The following NR4A3 variants were observed in gnomAD, a reference collection of about 807,000 sequenced individuals.
NR4A3 encodes the protein nuclear receptor subfamily 4 group A member 3, also known as chondrosarcoma, extraskeletal myxoid, fused to EWS.
A neutral mutation model predicts 55.6 loss-of-function variants in NR4A3; 13 were observed. That is an observed-to-expected ratio of 0.23 (90% CI 0.15 to 0.37). The LOEUF is 0.37. Among genes scored for constraint, NR4A3 ranks in the 10% least tolerant of loss-of-function variants. NR4A3 has a pLI of 1.00. For synonymous variants in NR4A3, 342 were observed against 357.9 expected (o/e 0.96, Z 0.50); for missense variants, 646 against 822.8 (o/e 0.79, Z 2.63).
chr9:99,857,235 T>C (rs1179556777), intron 7 of NR4A3, among the ~76,000 whole-genome samples: 1 of 152,102 alleles, frequency 6.6e-6, no homozygotes, highest in Non-Finnish European at 1.5e-5. Context: ...GAGATGATTA[T>C]AAGAGTGATG....
Position 99,855,429 on chromosome 9 carries a change from C to A in NR4A3, c.1633+7814C>A, listed in dbSNP as rs144168988. On this transcript the variant is annotated intron_variant, in intron 7 of 7. Transcript: ENST00000395097. ...CACTGTTATGATAAAAGTATGAATTCTTGAAAATTGCCTTATTTTGATTCA... is the reference window on the plus strand; with the variant it reads ...CACTGTTATGATAAAAGTATGAATTATTGAAAATTGCCTTATTTTGATTCA... Among the ~76,000 whole-genome samples the A allele has an allele frequency of 2.2e-3, 328 of 152,206 alleles. 3 individuals are homozygous for A. The highest frequency in any genetic ancestry group is 7.7e-3 in the African/African-American group (319 of 41,528).
At chr9:99,862,545 GTC>G (rs1828024108) in intron 7 of NR4A3, among the ~76,000 whole-genome samples, 1 of 47,698 alleles carries the variant, frequency 2.1e-5, no homozygotes, top group Non-Finnish European at 3.6e-5. Context: ...GTAAGACTCT[GTC>G]TCAAAAAAAA....
chr9:99,829,915 A>G (rs1386169954), intron 3 of NR4A3, among the ~76,000 whole-genome samples: 2 of 152,198 alleles, frequency 1.3e-5, no homozygotes, highest in Non-Finnish European at 2.9e-5. Flanking sequence ...TTAACTGCCC[A>G]TGAGATGTTT....
intron 1 of NR4A3, among the ~76,000 whole-genome samples, chr9:99,824,628 G>A (rs1038945407): frequency 6.6e-6 from 1 of 152,240 alleles, no homozygotes; most frequent in Non-Finnish European, 1.5e-5. Context: ...GGCGCCAGGA[G>A]ATGACCCTCG....
At chr9:99,826,490 G>A (rs1339032697) in intron 2 of NR4A3, among the ~76,000 whole-genome samples, 3 of 152,226 alleles carry the variant, frequency 2.0e-5, no homozygotes, top group African/African-American at 7.2e-5. Flanking sequence ...AAAAGGGATT[G>A]GCCGGAAAGA....
In NR4A3 at chr9:99,833,156, C is replaced by T. The variant is rs559629508; in HGVS notation, c.1082-126C>T. On this transcript the variant is annotated intron_variant, in intron 4 of 7. Transcript: ENST00000395097. Reference sequence around the variant, plus strand: ...GTGAATATTATTCCAAACTTATTACCACTTTTAAATGGTTGGTCTCATTAA... The same window carrying T: ...GTGAATATTATTCCAAACTTATTACTACTTTTAAATGGTTGGTCTCATTAA... The T allele has an allele frequency of 2.8e-5, 34 of 1,234,084 alleles. 1 individual carries two copies. The South Asian group carries it at 5.6e-4, about 20-fold the overall frequency. 76.4% of individuals were successfully genotyped at this position (1,234,084 alleles called of 1,614,324 possible).
At chr9:99,862,267 G>A (rs985536164) in intron 7 of NR4A3, among the ~76,000 whole-genome samples, 2 of 151,776 alleles carry the variant, frequency 1.3e-5, no homozygotes, top group East Asian at 1.9e-4. Flanking sequence ...TCTGAGGCCA[G>A]GCACAGTGGC....
Position 99,844,685 on chromosome 9 carries a change from G to A in NR4A3, c.1291G>A (p.Ala431Thr), listed in dbSNP as rs1451969171. 6.2e-7 allele frequency: 1 copy of A among 1,614,192 alleles called. No individual in the cohort carries two copies. The highest frequency in any genetic ancestry group is 8.5e-7 in the Non-Finnish European group (1 of 1,180,032). Residue 431 changes from alanine to threonine, a missense_variant, in exon 6 of 8, where the codon GCT becomes ACT. Physicochemically the swap from Ala to Thr is moderately conservative, Grantham distance 58 (BLOSUM62 0). Around this residue, in one of 5 missense-constraint regions of NR4A3, gnomAD observed 163 missense variants for 233.0 expected, o/e 0.70. Coordinates refer to ENST00000395097, the MANE Select transcript of NR4A3 (RefSeq NM_006981.4). ...PTDQAAAGTDAEHVQQFYNLL... is the reference protein window; with the variant it reads ...PTDQAAAGTDTEHVQQFYNLL... ...TGACCAGGCTGCTGCAGGCACAGAT[G>A]CTGAGCATGTGCAACAATTCTACAA...
intron 5 of NR4A3, chr9:99,835,052 C>G (rs1827531907): frequency 2.9e-6 from 1 of 342,716 alleles, no homozygotes; most frequent in African/African-American, 2.2e-5. Context: ...CCTCAGTTTT[C>G]TCCTCTGTGT....
intron 5 of NR4A3, chr9:99,834,000 G>A (rs1827503484): frequency 2.7e-6 from 3 of 1,120,096 alleles, no homozygotes; most frequent in Non-Finnish European, 3.3e-6. Context: ...GTGTCACCTG[G>A]TTCCTGCTTT....
At chr9:99,832,164 G>T (rs1305502198) in intron 3 of NR4A3, among the ~76,000 whole-genome samples, 1 of 151,922 alleles carries the variant, frequency 6.6e-6, no homozygotes, top group East Asian at 1.9e-4. Flanking sequence ...TAGTTTTTTT[G>T]CATTAAAACA....
intron 2 of NR4A3, 63 bp from the exon 3 acceptor site, chr9:99,827,978 G>T: frequency 6.4e-7 from 1 of 1,550,896 alleles, no homozygotes; most frequent in Non-Finnish European, 8.7e-7. Context: ...ACCCAATGCT[G>T]CCTGTTGGCT....
In NR4A3 at chr9:99,828,592, G is replaced by T; in HGVS notation, c.550G>T (p.Ala184Ser). ...GCCGATGAAGGCGGTCCCCACGGTG[G>T]CCGGCGCGCGCTTCCCGCTCTTCCA... ...DPPMKAVPTV[A>S]GARFPLFHFK... is the part of the protein sequence containing the mutation. Residue 184 changes from alanine (A) to serine (S), a missense_variant, in exon 3 of 8, where the codon GCC becomes TCC. Physicochemically the swap from Ala to Ser is moderately conservative, Grantham distance 99 (BLOSUM62 1). This residue lies in a region of NR4A3 where 426 missense variants were observed against 429.4 expected (regional missense o/e 0.99). Transcript: ENST00000395097. The surrounding 1 kb of genome is among the most constrained non-coding windows in gnomAD (Gnocchi z 7.7). The T allele has an allele frequency of 6.4e-7, 1 of 1,551,842 alleles. No individual in the cohort carries two copies.
chr9:99,833,831 T>G (rs958424499), intron 5 of NR4A3: 2 of 1,287,396 alleles, frequency 1.6e-6, no homozygotes, highest in East Asian at 6.9e-5. Flanking sequence ...TGGGTGAGCC[T>G]CAAGTTATTA....
intron 7 of NR4A3, among the ~76,000 whole-genome samples, chr9:99,862,852 A>G (rs780352124): frequency 6.6e-6 from 1 of 152,210 alleles, no homozygotes; most frequent in Non-Finnish European, 1.5e-5. Context: ...TTAATACATT[A>G]TAACATGCCT....
At chr9:99,845,733 G>A (rs1827742502) in intron 6 of NR4A3, among the ~76,000 whole-genome samples, 1 of 152,208 alleles carries the variant, frequency 6.6e-6, no homozygotes, top group Non-Finnish European at 1.5e-5. Flanking sequence ...TTGGTAGACT[G>A]TGGAAGTCCA....
Position 99,864,484 on chromosome 9 carries a change from A to T in NR4A3, c.*617A>T, listed in dbSNP as rs1233769918. Reference sequence around the variant, plus strand: ...CTTCCATAAACAAGTGCAATTTTTTAAAGTGCTGTCTTACTAAGTCTTGTT... The same window carrying T: ...CTTCCATAAACAAGTGCAATTTTTTTAAGTGCTGTCTTACTAAGTCTTGTT... On this transcript the variant is annotated 3_prime_UTR_variant, in exon 8 of 8. Coordinates refer to ENST00000395097, the MANE Select transcript of NR4A3 (RefSeq NM_006981.4). 2 of 228,076 alleles carry T rather than the reference A, an allele frequency of 8.8e-6. No individual in the cohort carries two copies. The highest frequency in any genetic ancestry group is 1.7e-5 in the Non-Finnish European group (2 of 114,650). 14.1% of individuals were successfully genotyped at this position (228,076 alleles called of 1,614,324 possible).
At chr9:99,859,553 C>A (rs1262174104) in intron 7 of NR4A3, among the ~76,000 whole-genome samples, 3 of 152,224 alleles carry the variant, frequency 2.0e-5, no homozygotes, top group Non-Finnish European at 1.5e-5. Context: ...ACAGGACTGT[C>A]TCTGAATTCC....
chr9:99,832,543 C>T (rs1827464143), intron 3 of NR4A3, 146 bp from the exon 4 acceptor site: 2 of 602,888 alleles, frequency 3.3e-6, no homozygotes, highest in African/African-American at 1.9e-5. Context: ...ATTGTTTTTC[C>T]TGCAGGCTAG....
Sources: allele counts gnomAD v4.1 joint callset (sites outside exome capture counted in the v4.1 genomes callset), GRCh38; gene constraint gnomAD v4.1.1; regional missense constraint gnomAD v4.1.1; non-coding constraint Gnocchi (gnomAD v3.1); transcripts MANE v1.5; gene names NCBI Gene and HGNC (gene_info 2026-07-23, HGNC 2026-07-21).